Variants in HS6ST3 observed in about 807,000 individuals in gnomAD.
HS6ST3 encodes the protein heparan sulfate 6-O-sulfotransferase 3.
In HS6ST3, 12 loss-of-function variants were observed where a neutral mutation model predicts 36.7. The ratio of observed to expected loss-of-function variants is 0.33; its 90% CI spans 0.21 to 0.53. The LOEUF (loss-of-function observed/expected upper bound fraction) is 0.53. HS6ST3 is among the 20% of genes least tolerant of loss of function. The pLI is 0.95. For missense variants in HS6ST3, 584 were observed against 640.9 expected (o/e 0.91, Z 0.96); for synonymous variants, 240 against 257.5 (o/e 0.93, Z 0.65).
chr13:96,521,792 C>A (rs1566385659), intron 1 of HS6ST3, among the ~76,000 whole-genome samples: 1 of 151,978 alleles, frequency 6.6e-6, no homozygotes, highest in Non-Finnish European at 1.5e-5. Context: ...TTGATCTTTT[C>A]AAAAAACCAT....
intron 1 of HS6ST3, among the ~76,000 whole-genome samples, chr13:96,473,614 G>A (rs893776381): frequency 6.6e-5 from 10 of 152,286 alleles, no homozygotes; most frequent in Admixed American, 2.0e-4. Flanking sequence ...CAGAGGCGGC[G>A]TCCAATTACT....
intron 1 of HS6ST3, among the ~76,000 whole-genome samples, chr13:96,590,550 T>A (rs764258974): frequency 3.9e-5 from 6 of 152,110 alleles, no homozygotes; most frequent in Non-Finnish European, 8.8e-5. Context: ...ATTTTTTTTC[T>A]TGTAGAGTTG....
intron 1 of HS6ST3, among the ~76,000 whole-genome samples, chr13:96,671,898 T>G (rs777721046): frequency 6.6e-6 from 1 of 152,156 alleles, no homozygotes; most frequent in Non-Finnish European, 1.5e-5. Flanking sequence ...TATTCAATCT[T>G]AAAAATATAT....
chr13:96,629,463 T>C (rs1221371753), intron 1 of HS6ST3, among the ~76,000 whole-genome samples: 4 of 152,202 alleles, frequency 2.6e-5, no homozygotes, highest in Non-Finnish European at 5.9e-5. Context: ...TTTGCTTTTC[T>C]GATAATGTCT....
At chr13:96,642,120 T>G (rs2056572364) in intron 1 of HS6ST3, among the ~76,000 whole-genome samples, 1 of 151,812 alleles carries the variant, frequency 6.6e-6, no homozygotes, top group South Asian at 2.1e-4. Flanking sequence ...TCTTAATTTC[T>G]ACTTCATTTT....
chr13:96,715,718 T>A (rs1000872742), intron 1 of HS6ST3, among the ~76,000 whole-genome samples: 3 of 152,134 alleles, frequency 2.0e-5, no homozygotes, highest in Non-Finnish European at 4.4e-5. Context: ...AAGTTGTTAA[T>A]TGTGCTCAAA....
At chr13:96,697,913 G>C (rs1299746535) in intron 1 of HS6ST3, among the ~76,000 whole-genome samples, 1 of 152,086 alleles carries the variant, frequency 6.6e-6, no homozygotes, top group East Asian at 1.9e-4. Flanking sequence ...TTGTTTTCTA[G>C]TGGTTAATGG....
rs1389974772 is a variant in HS6ST3, at chr13:96,091,501, G to A, written c.639G>A (p.Thr213=). 1 of 1,600,062 alleles carries A rather than the reference G, an allele frequency of 6.2e-7. No homozygotes were observed. The part of the protein sequence containing the change: ...GWSCGLHADW[T]ELTNCVPAIM... ...GCTGCGGGCTGCACGCCGACTGGAC[G>A]GAGCTCACCAACTGCGTGCCGGCCA... The change falls in exon 1 of 2, where the codon ACG becomes ACA. Residue 213 remains threonine, a synonymous_variant. Coordinates refer to ENST00000376705, the MANE Select transcript of HS6ST3 (RefSeq NM_153456.4).
At chr13:96,682,809 C>T (rs2056722880) in intron 1 of HS6ST3, among the ~76,000 whole-genome samples, 1 of 152,034 alleles carries the variant, frequency 6.6e-6, no homozygotes, top group Non-Finnish European at 1.5e-5. Flanking sequence ...TTTCCCATGT[C>T]TTTTGTTAGT....
intron 1 of HS6ST3, among the ~76,000 whole-genome samples, chr13:96,675,229 T>C (rs1183488229): frequency 6.6e-6 from 1 of 152,134 alleles, no homozygotes; most frequent in Non-Finnish European, 1.5e-5. Flanking sequence ...AAAATTTAGA[T>C]CACCCTAAAT....
chr13:96,384,938 G>A (rs575069930), intron 1 of HS6ST3, among the ~76,000 whole-genome samples: 78 of 152,254 alleles, frequency 5.1e-4, no homozygotes, highest in Admixed American at 1.2e-3. Flanking sequence ...CCAGCACTTT[G>A]GGAGGCAGAG....
At chr13:96,731,380 G>A (rs1041508884) in intron 1 of HS6ST3, among the ~76,000 whole-genome samples, 1 of 152,148 alleles carries the variant, frequency 6.6e-6, no homozygotes, top group African/African-American at 2.4e-5. Flanking sequence ...CAGTTAACCT[G>A]ATGTCCTTCA....
chr13:96,147,235 TAATA>T (rs1343993479), intron 1 of HS6ST3, among the ~76,000 whole-genome samples: 1 of 152,220 alleles, frequency 6.6e-6, no homozygotes, highest in East Asian at 1.9e-4. Flanking sequence ...CCACTTTCAT[TAATA>T]AATTAAGGCT....
chr13:96,150,156 G>A (rs2054078135), intron 1 of HS6ST3, among the ~76,000 whole-genome samples: 1 of 152,154 alleles, frequency 6.6e-6, no homozygotes, highest in African/African-American at 2.4e-5. Flanking sequence ...ATTTTATTGA[G>A]CAACAGAAGG....
intron 1 of HS6ST3, among the ~76,000 whole-genome samples, chr13:96,385,790 A>G (rs887160981): frequency 1.3e-5 from 2 of 152,154 alleles, no homozygotes; most frequent in Admixed American, 1.3e-4. Context: ...TATTTTAGGT[A>G]CTGTAATTTG....
intron 1 of HS6ST3, among the ~76,000 whole-genome samples, chr13:96,262,242 G>T (rs2054669940): frequency 6.6e-6 from 1 of 152,182 alleles, no homozygotes; most frequent in Admixed American, 6.5e-5. Flanking sequence ...GGTGGAAAAT[G>T]TAAAGAAAAA....
In HS6ST3 at chr13:96,090,830, C is replaced by CGCCGCT; in HGVS notation, c.-32_-27dup. On this transcript the variant is annotated 5_prime_UTR_variant, in exon 1 of 2. Coordinates refer to ENST00000376705, the MANE Select transcript of HS6ST3 (RefSeq NM_153456.4). The stretch of plus-strand genomic sequence containing the variant: ...CCGTCCGCCCTGCCGCCGCCGCCGC[C>CGCCGCT]GCCGCTTCGCCTGCCGGCCTGAGAG... 1 of 1,464,766 alleles carries CGCCGCT rather than the reference C, an allele frequency of 6.8e-7. No homozygotes were observed. Among genetic ancestry groups the CGCCGCT allele is most frequent in the Non-Finnish European group, 9.1e-7 (1 of 1,103,198 alleles). 90.7% of individuals were successfully genotyped at this position (1,464,766 alleles called of 1,614,324 possible). A position where few individuals can be genotyped will look rare whatever the true frequency, so the allele number is the denominator to read the frequency against.
chr13:96,533,820 T>C (rs1566389131), intron 1 of HS6ST3, among the ~76,000 whole-genome samples: 2 of 152,180 alleles, frequency 1.3e-5, no homozygotes, highest in Non-Finnish European at 2.9e-5. Context: ...GACAGATAAG[T>C]ATGGGCTTTA....
chr13:96,254,449 A>G (rs2054624665), intron 1 of HS6ST3, among the ~76,000 whole-genome samples: 1 of 3,724 alleles, frequency 2.7e-4, no homozygotes, highest in African/African-American at 8.9e-4. Flanking sequence ...AAAAAAAAAA[A>G]TATATATATA....
Sources: gnomAD v4.1 joint callset for allele counts (sites outside exome capture counted in the v4.1 genomes callset) on GRCh38, gnomAD v4.1.1 for gene constraint, MANE v1.5 for transcripts, NCBI Gene and HGNC (gene_info 2026-07-23, HGNC 2026-07-21) for gene names.